The following OSBP2 variants were observed in gnomAD, a reference collection of about 807,000 sequenced individuals.
The protein encoded by OSBP2 is oxysterol-binding protein 2.
Under a neutral mutation model 96.0 loss-of-function variants are expected in OSBP2, and 66 were observed. The ratio of observed to expected loss-of-function variants is 0.69; its 90% CI spans 0.56 to 0.84. The LOEUF (loss-of-function observed/expected upper bound fraction) is 0.84. OSBP2 is among the 40% of genes least tolerant of loss of function. OSBP2 has a pLI of 0.00. For synonymous variants in OSBP2, 525 were observed against 520.9 expected (o/e 1.01, Z -0.11); for missense variants, 1,038 against 1,222.7 (o/e 0.85, Z 2.25).
At chr22:30,822,637 G>A (rs1283182970) in intron 2 of OSBP2, 8 of 1,533,034 alleles carry the variant, frequency 5.2e-6, no homozygotes, top group Non-Finnish European at 7.0e-6. Flanking sequence ...GGAAATGAAG[G>A]GACGCGGCTG....
chr22:30,866,434 G>A (rs5753359), intron 2 of OSBP2, among the ~76,000 whole-genome samples: 46,730 of 152,120 alleles, frequency 0.31, 7,824 homozygotes, highest in South Asian at 0.48. Flanking sequence ...TTCCAGAGCT[G>A]TAAGATAATA....
intron 1 of OSBP2, among the ~76,000 whole-genome samples, chr22:30,704,355 G>A (rs1042585757): frequency 2.0e-5 from 3 of 152,018 alleles, no homozygotes; most frequent in East Asian, 1.9e-4. Flanking sequence ...CACAAGATGC[G>A]CTTAATCCCT....
intron 2 of OSBP2, among the ~76,000 whole-genome samples, chr22:30,809,462 G>A (rs1048525108): frequency 6.6e-6 from 1 of 152,166 alleles, no homozygotes; most frequent in African/African-American, 2.4e-5. Flanking sequence ...GGGAGGGAAG[G>A]CTCATACCCC....
chr22:30,889,393 C>G, intron 6 of OSBP2, 97 bp from the exon 7 acceptor site: 2 of 1,497,722 alleles, frequency 1.3e-6, no homozygotes, highest in Non-Finnish European at 1.8e-6. Flanking sequence ...CAGTGGCCGG[C>G]TTGGTGCCAG....
At chr22:30,822,746 A>G (rs2038306526) in intron 2 of OSBP2, 2 of 1,485,556 alleles carry the variant, frequency 1.3e-6, no homozygotes, top group African/African-American at 2.8e-5. Flanking sequence ...GAGGGAGGCC[A>G]GGCTCCCCGC....
intron 2 of OSBP2, among the ~76,000 whole-genome samples, chr22:30,807,071 G>A (rs535399229): frequency 1.6e-3 from 239 of 152,246 alleles, no homozygotes; most frequent in Non-Finnish European, 2.9e-3. Flanking sequence ...ACCCTGCCTC[G>A]ATGGTTACTT....
At chr22:30,724,320 T>A (rs2089605564) in intron 1 of OSBP2, among the ~76,000 whole-genome samples, 1 of 152,096 alleles carries the variant, frequency 6.6e-6, no homozygotes, top group Non-Finnish European at 1.5e-5. Flanking sequence ...CAGGCTTAAT[T>A]GATTCTCCTG....
At chr22:30,713,118 G>A (rs370014115) in intron 1 of OSBP2, among the ~76,000 whole-genome samples, 8 of 143,816 alleles carry the variant, frequency 5.6e-5, no homozygotes, top group African/African-American at 2.1e-4. Context: ...TCACTCTGTC[G>A]CCCAGGCTGG....
chr22:30,906,531 C>T lies in OSBP2; in HGVS notation c.*192C>T. 1.6e-6 allele frequency: 1 copy of T among 621,956 alleles called. No individual in the cohort carries two copies. Among genetic ancestry groups the T allele is most frequent in the Non-Finnish European group, 2.5e-6 (1 of 396,554 alleles). 38.5% of individuals were successfully genotyped at this position (621,956 alleles called of 1,614,324 possible). On this transcript the variant is annotated 3_prime_UTR_variant, in exon 14 of 14. Coordinates refer to ENST00000332585, the MANE Select transcript of OSBP2 (RefSeq NM_030758.4). ...GAAGGAGGAAGGGCTGACCTGGGTTCTCTCCAGCCCCCAGGTGCGCCGGGT... is the reference window on the plus strand; with the variant it reads ...GAAGGAGGAAGGGCTGACCTGGGTTTTCTCCAGCCCCCAGGTGCGCCGGGT...
At chr22:30,703,910 CTG>C (rs2089203615) in intron 1 of OSBP2, among the ~76,000 whole-genome samples, 1 of 152,218 alleles carries the variant, frequency 6.6e-6, no homozygotes, top group South Asian at 2.1e-4. Flanking sequence ...AACCTTTTGT[CTG>C]TGGGGTATTC....
At chr22:30,901,295 C>T (rs2067959203) in intron 12 of OSBP2, among the ~76,000 whole-genome samples, 1 of 152,134 alleles carries the variant, frequency 6.6e-6, no homozygotes, top group African/African-American at 2.4e-5. Flanking sequence ...TCTCAAATTC[C>T]TGACCTCAGG....
chr22:30,765,700 T>A (rs1294467222), intron 2 of OSBP2, among the ~76,000 whole-genome samples: 1 of 152,224 alleles, frequency 6.6e-6, no homozygotes, highest in Non-Finnish European at 1.5e-5. Flanking sequence ...CATATTTATT[T>A]AATGTGCTGG....
chr22:30,793,006 G>A (rs2090699052), intron 2 of OSBP2, among the ~76,000 whole-genome samples: 1 of 152,162 alleles, frequency 6.6e-6, no homozygotes, highest in South Asian at 2.1e-4. Flanking sequence ...TCTGATTCCA[G>A]GTTTTCTGCT....
chr22:30,725,542 A>C (rs1169642723), intron 1 of OSBP2, among the ~76,000 whole-genome samples: 2 of 137,892 alleles, frequency 1.5e-5, no homozygotes, highest in African/African-American at 2.6e-5. Context: ...ACAAAAACAA[A>C]AACAAAAAAA....
intron 2 of OSBP2, among the ~76,000 whole-genome samples, chr22:30,827,142 C>T (rs1177776136): frequency 6.6e-6 from 1 of 152,064 alleles, no homozygotes; most frequent in Non-Finnish European, 1.5e-5. Flanking sequence ...GTCAGGACCT[C>T]ATGATGGGTG....
At chr22:30,760,498 G>A (rs1174497274) in intron 2 of OSBP2, among the ~76,000 whole-genome samples, 1 of 152,156 alleles carries the variant, frequency 6.6e-6, no homozygotes, top group Non-Finnish European at 1.5e-5. Context: ...CAAGATAGGT[G>A]CAAGATAGGT....
Position 30,905,893 on chromosome 22 carries a change from A to G in OSBP2, c.2432A>G (p.His811Arg). 1 of 1,613,304 alleles carries G rather than the reference A, an allele frequency of 6.2e-7. No homozygotes were observed. The highest frequency in any genetic ancestry group is 1.3e-5 in the African/African-American group (1 of 75,044). Residue 811 changes from histidine (H) to arginine (R), a missense_variant, in exon 13 of 14, where the codon CAC becomes CGC. His to Arg is a conservative substitution (Grantham distance 29). This residue lies in a region of OSBP2 where 737 missense variants were observed against 913.3 expected (regional missense o/e 0.81). Transcript: ENST00000332585. ...GAGCTGGCCCTGACCCTCAACGAGC[A>G]CGAGGAGGGCGTAGCGCCAACCGAC... ...FSELALTLNEHEEGVAPTDSR... is the reference protein window; with the variant it reads ...FSELALTLNEREEGVAPTDSR...
intron 2 of OSBP2, among the ~76,000 whole-genome samples, chr22:30,835,718 CTTTT>C (rs538763182): frequency 7.6e-6 from 1 of 132,118 alleles, no homozygotes. Flanking sequence ...TATGTAGTTA[CTTTT>C]TTTTTTTTTT....
At chr22:30,868,008 C>G (rs148134573) in intron 2 of OSBP2, among the ~76,000 whole-genome samples, 45 of 152,384 alleles carry the variant, frequency 3.0e-4, no homozygotes, top group African/African-American at 1.1e-3. Context: ...AGCACAGGCT[C>G]TAAAGCCAGA....
Sources: allele counts gnomAD v4.1 joint callset (sites outside exome capture counted in the v4.1 genomes callset), GRCh38; gene constraint gnomAD v4.1.1; regional missense constraint gnomAD v4.1.1; transcripts MANE v1.5; gene names NCBI Gene and HGNC (gene_info 2026-07-23, HGNC 2026-07-21).